The following CLP1 variants were observed in gnomAD, a reference collection of about 807,000 sequenced individuals.
The protein encoded by CLP1 is cleavage factor polyribonucleotide kinase subunit 1.
Under a neutral mutation model 29.9 loss-of-function variants are expected in CLP1, and 18 were observed. That is an observed-to-expected ratio of 0.60 (90% confidence interval 0.42 to 0.89). The LOEUF (loss-of-function observed/expected upper bound fraction) is 0.89. Among genes scored for constraint, CLP1 ranks in the 40% least tolerant of loss-of-function variants. CLP1 has a pLI of 0.00. For missense variants in CLP1, 357 were observed against 544.8 expected, an observed-to-expected ratio of 0.66 and a Z score of 3.43; for synonymous variants, 162 against 206.2, an observed-to-expected ratio of 0.79 and a Z score of 1.84.
At position 57,659,890 on chromosome 11, in the gene CLP1, A is replaced by G. The variant is rs372083969; in HGVS notation, c.414A>G (p.Ala138=). Residue 138 remains alanine (A), a synonymous_variant, in exon 2 of 3, where the codon GCA becomes GCG. Coordinates refer to ENST00000533682, the MANE Select transcript of CLP1 (RefSeq NM_006831.3). ...STVCRLLLNY[A]VRLGRRPTYV... Reference sequence around the variant, plus strand: ...TGTGTCGCCTTCTGCTCAACTACGCAGTGCGTTTGGGCCGCCGTCCCACTT... The same window carrying G: ...TGTGTCGCCTTCTGCTCAACTACGCGGTGCGTTTGGGCCGCCGTCCCACTT... 5 of 1,614,140 alleles carry G rather than the reference A, an allele frequency of 3.1e-6. No individual in the cohort carries two copies. The highest frequency in any genetic ancestry group is 3.3e-5 in the Admixed American group (2 of 60,008).
chr11:57,661,853 T>G lies in CLP1; in HGVS notation c.*417T>G, dbSNP rs1429542645. The G allele has an allele frequency of 5.1e-6, 1 of 194,592 alleles. No individual in the cohort carries two copies. Among genetic ancestry groups the G allele is most frequent in the Non-Finnish European group, 1.1e-5 (1 of 94,012 alleles). The allele number at this position is 194,592 out of a possible 1,614,324, so 12.1% of individuals were successfully genotyped here. A position where few individuals can be genotyped will look rare whatever the true frequency, so the allele number is the denominator to read the frequency against. On this transcript the variant is annotated 3_prime_UTR_variant, in exon 3 of 3. Transcript: ENST00000533682. ...AAAAAAATCATTTTAATAAATATTT[T>G]TGCCATATCATAGAAGTTGGTATAA...
chr11:57,658,456 G>A (rs1945842192), intron 1 of CLP1, among the ~76,000 whole-genome samples: 1 of 152,148 alleles, frequency 6.6e-6, no homozygotes, highest in Non-Finnish European at 1.5e-5. Flanking sequence ...TGTATTCTAA[G>A]CAGTATATAG....
rs1220463775 is a variant in CLP1 at position 57,661,526 on chromosome 11, C to A, written c.*90C>A. ...GGCTGAGATAAAAGACTGTTGGGGC[C>A]ACCTGACCAGTAAACTGTGGACTAG... On this transcript the variant is annotated 3_prime_UTR_variant, in exon 3 of 3. Coordinates refer to ENST00000533682, the MANE Select transcript of CLP1 (RefSeq NM_006831.3). 1.9e-6 allele frequency: 2 copies of A among 1,069,674 alleles called. No homozygotes were observed. Among genetic ancestry groups the A allele is most frequent in the Non-Finnish European group, 2.7e-6 (2 of 734,536 alleles). The allele number at this position is 1,069,674 out of a possible 1,614,324, so 66.3% of individuals were successfully genotyped here. A position where few individuals can be genotyped will look rare whatever the true frequency, so the allele number is the denominator to read the frequency against.
intron 1 of CLP1, 46 bp from the exon 2 acceptor site, chr11:57,659,409 A>C (rs758948407): frequency 6.3e-7 from 1 of 1,577,194 alleles, no homozygotes; most frequent in South Asian, 1.1e-5. Context: ...TTTTTGTAAC[A>C]GAAGACTGAC....
chr11:57,659,290 T>G (rs1426453542), intron 1 of CLP1, 165 bp from the exon 2 acceptor site: 13 of 631,958 alleles, frequency 2.1e-5, no homozygotes. Context: ...GGTTTCACCA[T>G]GTTGGCCAGG....
In CLP1 at chr11:57,661,555, A is replaced by G. The variant is rs938044544; in HGVS notation, c.*119A>G. 3 of 785,042 alleles carry G rather than the reference A, an allele frequency of 3.8e-6. No homozygotes were observed. In the African/African-American group the frequency reaches 5.2e-5, roughly 14 times the overall value. 48.6% of individuals were successfully genotyped at this position (785,042 alleles called of 1,614,324 possible). On this transcript the variant is annotated 3_prime_UTR_variant, in exon 3 of 3. Coordinates refer to ENST00000533682, the MANE Select transcript of CLP1 (RefSeq NM_006831.3). ...TGACCAGTAAACTGTGGACTAGTAG[A>G]AAGTTCATATTCTACCTCTAAAAAC...
Position 57,661,359 on chromosome 11 carries a change from G to C in CLP1, c.1201G>C (p.Val401Leu), listed in dbSNP as rs780323215. Residue 401 changes from valine (V) to leucine (L), a missense_variant, in exon 3 of 3, where the codon GTT becomes CTT. Val to Leu is a conservative substitution (Grantham distance 32, BLOSUM62 1). Transcript: ENST00000533682. ...GGACCTGGAGCATCAGGTGTTTACT[G>C]TTCTGTCTCCAGCCCCTCGCCCACT... ...SVDLEHQVFT[V>L]LSPAPRPLPK... is the part of the protein sequence containing the mutation. The C allele has an allele frequency of 1.9e-6, 3 of 1,614,162 alleles. No individual in the cohort carries two copies. The highest frequency in any genetic ancestry group is 1.7e-5 in the Admixed American group (1 of 60,020).
rs1238560274 is a variant in CLP1, at chr11:57,661,683, G to A, written c.*247G>A. The A allele has an allele frequency of 2.1e-5, 10 of 475,024 alleles. No individual in the cohort carries two copies. Among genetic ancestry groups the A allele is most frequent in the Non-Finnish European group, 3.4e-5 (9 of 268,108 alleles). The allele number at this position is 475,024 out of a possible 1,614,324, so 29.4% of individuals were successfully genotyped here. ...TAAGATGCCACTTTGAATTCTCTAA[G>A]ACCCTGGAGAATTGCATTTCTTTCA... On this transcript the variant is annotated 3_prime_UTR_variant, in exon 3 of 3. Coordinates refer to ENST00000533682, the MANE Select transcript of CLP1 (RefSeq NM_006831.3).
chr11:57,660,285 G>T (rs1156340198), intron 2 of CLP1, among the ~76,000 whole-genome samples: 2 of 152,118 alleles, frequency 1.3e-5, no homozygotes, highest in Non-Finnish European at 2.9e-5. Flanking sequence ...TTCACTTAGG[G>T]CATAAAACAG....
rs543506228 is a variant in CLP1, at chr11:57,660,880, C to T, written c.722C>T (p.Ala241Val). 1.4e-5 allele frequency: 23 copies of T among 1,614,040 alleles called. 1 individual carries two copies. In the South Asian group the frequency reaches 2.2e-4, roughly 15 times the overall value. Residue 241 changes from alanine (A) to valine (V), a missense_variant, in exon 3 of 3, where the codon GCT becomes GTT. Transcript: ENST00000533682. ...TGGGTCAAGGGCTCTGGTTACCAGG[C>T]TCTGGTGCATGCAGCCTCAGCTTTT... Reference protein sequence around the residue: ...CGWVKGSGYQALVHAASAFEV... With the variant: ...CGWVKGSGYQVLVHAASAFEV...
At chr11:57,658,050 C>T (rs952042443) in intron 1 of CLP1, among the ~76,000 whole-genome samples, 190 bp downstream of exon 1, 1 of 152,138 alleles carries the variant, frequency 6.6e-6, no homozygotes, top group African/African-American at 2.4e-5. Context: ...TTCTAGTTTA[C>T]GAAGTGCTTT....
chr11:57,659,944 T>G lies in CLP1; in HGVS notation c.468T>G (p.Ser156=). The G allele has an allele frequency of 6.2e-7, 1 of 1,614,154 alleles. No homozygotes were observed. The change falls in exon 2 of 3, where the codon TCT becomes TCG. Residue 156 remains serine (S), a synonymous_variant. Transcript: ENST00000533682. ...TGGAGCTGGATGTGGGCCAGGGTTC[T>G]GTGTCCATCCCTGGTACCATGGGGG... The part of the protein sequence containing the change: ...TYVELDVGQG[S]VSIPGTMGAL...
At chr11:57,660,170 T>C in intron 2 of CLP1, 88 bp downstream of exon 2, 1 of 1,353,896 alleles carries the variant, frequency 7.4e-7, no homozygotes, top group South Asian at 1.5e-5. Context: ...CTGCATTTTC[T>C]CAGCTGGTAT....
chr11:57,660,103 G>T (rs761809380), intron 2 of CLP1, 21 bp downstream of exon 2: 22 of 1,532,584 alleles, frequency 1.4e-5, no homozygotes, highest in Non-Finnish European at 1.9e-5. Flanking sequence ...GAGAAAGGTG[G>T]GGTGGAGGGA....
In CLP1 at chr11:57,660,674, TATATCTA is replaced by T. The variant is rs1227278530; in HGVS notation, c.607-87_607-81del. ...ATTTCAAAAAAAAAATCATTTTTCT[TATATCTA>T]ATAGCACTTATTCTAAAGAGGAACA... On this transcript the variant is annotated intron_variant, in intron 2 of 2. Coordinates refer to ENST00000533682, the MANE Select transcript of CLP1 (RefSeq NM_006831.3). The T allele has an allele frequency of 2.6e-5, 29 of 1,108,872 alleles. No individual in the cohort carries two copies. The East Asian group carries it at 6.2e-4, about 24-fold the overall frequency. The allele number at this position is 1,108,872 out of a possible 1,614,324, so 68.7% of individuals were successfully genotyped here.
chr11:57,660,013 T>C lies in CLP1; in HGVS notation c.537T>C (p.Ser179=). 6.2e-7 allele frequency: 1 copy of C among 1,612,424 alleles called. No homozygotes were observed. The highest frequency in any genetic ancestry group is 8.5e-7 in the Non-Finnish European group (1 of 1,179,160). ...CTGCAGATGTCGAAGAGGGTTTCTC[T>C]ATCCAGGCCCCTCTGGTGTATCATT... The part of the protein sequence containing the change: ...ERPADVEEGF[S]IQAPLVYHFG... Residue 179 remains serine (S), a synonymous_variant, in exon 2 of 3, where the codon TCT becomes TCC. Transcript: ENST00000533682.
chr11:57,659,317 G>A, intron 1 of CLP1, 138 bp from the exon 2 acceptor site: 1 of 731,272 alleles, frequency 1.4e-6, no homozygotes, highest in African/African-American at 1.8e-5. Context: ...TTGAACTCCT[G>A]ACCTCAAGTG....
At chr11:57,658,687 T>G (rs1945845007) in intron 1 of CLP1, among the ~76,000 whole-genome samples, 1 of 152,162 alleles carries the variant, frequency 6.6e-6, no homozygotes. Context: ...GGGAGTACAG[T>G]GGCATGATCT....
At chr11:57,659,150 C>T (rs1945848757) in intron 1 of CLP1, among the ~76,000 whole-genome samples, 1 of 147,274 alleles carries the variant, frequency 6.8e-6, no homozygotes, top group South Asian at 2.2e-4. Flanking sequence ...GTGGCACAAT[C>T]TCGGGTCACT....
Sources: gnomAD v4.1 joint callset for allele counts (sites outside exome capture counted in the v4.1 genomes callset) on GRCh38, gnomAD v4.1.1 for gene constraint, MANE v1.5 for transcripts, NCBI Gene and HGNC (gene_info 2026-07-23, HGNC 2026-07-21) for gene names.